The following LRRTM3 variants were observed in gnomAD, a reference collection of about 807,000 sequenced individuals.
LRRTM3 encodes leucine-rich repeat transmembrane neuronal protein 3.
LRRTM3 carries 24 observed loss-of-function variants against 44.7 expected under a neutral mutation model. The ratio of observed to expected loss-of-function variants is 0.54; its 90% CI spans 0.39 to 0.76. The LOEUF is 0.76. LRRTM3 is among the 30% of genes least tolerant of loss of function. The probability of loss-of-function intolerance (pLI) is 0.00; values close to 1 mark genes in which losing one functional copy is unlikely to be tolerated. For synonymous variants in LRRTM3, 277 were observed against 278.7 expected (o/e 0.99, Z 0.06); for missense variants, 587 against 702.2 (o/e 0.84, Z 1.85).
At position 66,943,643 on chromosome 10, in the gene LRRTM3, G is replaced by T. The variant is rs145519271; in HGVS notation, c.1536+15191G>T. 9.2e-3 allele frequency among the ~76,000 whole-genome samples: 1,400 copies of T among 151,936 alleles called. 19 individuals are homozygous for T. The highest frequency in any genetic ancestry group is 0.032 in the African/African-American group (1,324 of 41,430). ...TGTTATGTGGTAATAATGGCATCAA[G>T]AATTAAACATGCTACTTAAACATAG... On this transcript the variant is annotated intron_variant, in intron 2 of 2. Coordinates refer to ENST00000361320, the MANE Select transcript of LRRTM3 (RefSeq NM_178011.5).
chr10:67,044,224 A>G (rs1311854678), intron 2 of LRRTM3, among the ~76,000 whole-genome samples: 1 of 152,170 alleles, frequency 6.6e-6, no homozygotes, highest in Non-Finnish European at 1.5e-5. Context: ...GCAACATAGT[A>G]GGCAAAATTC....
intron 2 of LRRTM3, among the ~76,000 whole-genome samples, chr10:66,999,858 C>A (rs1186126421): frequency 1.3e-5 from 2 of 151,994 alleles, no homozygotes; most frequent in Non-Finnish European, 2.9e-5. Context: ...AAATGTTTTC[C>A]TAATAACAGC....
At chr10:66,959,610 T>C (rs537511582) in intron 2 of LRRTM3, among the ~76,000 whole-genome samples, 2 of 152,178 alleles carry the variant, frequency 1.3e-5, no homozygotes, top group Non-Finnish European at 2.9e-5. Flanking sequence ...AGATGATTTC[T>C]ACAACTACTT....
chr10:66,982,880 G>A (rs7092716), intron 2 of LRRTM3, among the ~76,000 whole-genome samples: 24,931 of 152,136 alleles, frequency 0.16, 2,188 homozygotes, highest in Middle Eastern at 0.22. Flanking sequence ...CTGGTAGGAA[G>A]AAGGGGAGAA....
intron 2 of LRRTM3, among the ~76,000 whole-genome samples, chr10:66,956,043 T>G (rs1308648156): frequency 6.6e-6 from 1 of 152,118 alleles, no homozygotes; most frequent in Non-Finnish European, 1.5e-5. Context: ...ACAAAAATAT[T>G]AAGACCCTAG....
chr10:66,987,925 T>C (rs1210218394), intron 2 of LRRTM3, among the ~76,000 whole-genome samples: 2 of 152,178 alleles, frequency 1.3e-5, no homozygotes, highest in Non-Finnish European at 2.9e-5. Context: ...TTTTCAATTT[T>C]TCAAATGATC....
chr10:66,946,416 A>C (rs1329314257), intron 2 of LRRTM3, among the ~76,000 whole-genome samples: 1 of 152,164 alleles, frequency 6.6e-6, no homozygotes, highest in African/African-American at 2.4e-5. Flanking sequence ...TAATATACAT[A>C]GAGAAAAGTG....
At chr10:67,096,312 G>A (rs1029074619) in intron 2 of LRRTM3, among the ~76,000 whole-genome samples, 1 of 151,792 alleles carries the variant, frequency 6.6e-6, no homozygotes, top group African/African-American at 2.4e-5. Context: ...GATGGAAACA[G>A]AAGTGGCAAA....
chr10:67,084,557 A>C (rs1857205805), intron 2 of LRRTM3, among the ~76,000 whole-genome samples: 1 of 151,884 alleles, frequency 6.6e-6, no homozygotes, highest in African/African-American at 2.4e-5. Context: ...TAGATTAGAA[A>C]ATTTCCTGAT....
intron 2 of LRRTM3, among the ~76,000 whole-genome samples, chr10:66,957,484 G>T (rs7082378): frequency 0.27 from 39,126 of 143,782 alleles, 5,773 homozygotes; most frequent in Middle Eastern, 0.33. Context: ...GATCCTGAAG[G>T]AAGATTACAA....
chr10:67,000,488 T>G (rs1851614232), intron 2 of LRRTM3, among the ~76,000 whole-genome samples: 1 of 152,192 alleles, frequency 6.6e-6, no homozygotes, highest in Admixed American at 6.5e-5. Context: ...ACACAAGGTC[T>G]TCCACTTAAT....
At chr10:67,074,606 T>C (rs1013238411) in intron 2 of LRRTM3, among the ~76,000 whole-genome samples, 79 of 150,266 alleles carry the variant, frequency 5.3e-4, no homozygotes, top group African/African-American at 1.9e-3. Flanking sequence ...CACCTCGGGT[T>C]CCCAAAGTGC....
At chr10:67,074,400 A>G (rs1215665610) in intron 2 of LRRTM3, among the ~76,000 whole-genome samples, 132 of 121,138 alleles carry the variant, frequency 1.1e-3, no homozygotes, top group South Asian at 4.7e-3. Flanking sequence ...GCCCAGGCTG[A>G]AGTGCAGTGG....
intron 2 of LRRTM3, among the ~76,000 whole-genome samples, chr10:67,026,617 A>G (rs539224050): frequency 2.6e-5 from 4 of 152,176 alleles, no homozygotes; most frequent in Non-Finnish European, 5.9e-5. Context: ...AGTCTTCTGA[A>G]CATTCATATT....
At chr10:66,981,627 T>C (rs1227776888) in intron 2 of LRRTM3, among the ~76,000 whole-genome samples, 4 of 152,256 alleles carry the variant, frequency 2.6e-5, no homozygotes, top group Non-Finnish European at 4.4e-5. Flanking sequence ...GGTTAATTTT[T>C]AGTACAATAT....
intron 2 of LRRTM3, among the ~76,000 whole-genome samples, chr10:67,079,645 C>T (rs1365160826): frequency 2.6e-5 from 4 of 151,988 alleles, no homozygotes; most frequent in Non-Finnish European, 5.9e-5. Flanking sequence ...GTCAGGAGTT[C>T]AAGACCAGCC....
At chr10:66,958,572 G>A (rs938873846) in intron 2 of LRRTM3, among the ~76,000 whole-genome samples, 14 of 152,034 alleles carry the variant, frequency 9.2e-5, no homozygotes, top group African/African-American at 3.4e-4. Context: ...AATTCAATAA[G>A]TAAGTAAGCG....
At chr10:67,008,235 A>G (rs10762126) in intron 2 of LRRTM3, among the ~76,000 whole-genome samples, 80,362 of 151,870 alleles carry the variant, frequency 0.53, 21,965 homozygotes, top group Middle Eastern at 0.74. Flanking sequence ...AGAAATGAAC[A>G]TATTAATGTT....
At chr10:67,077,320 T>C (rs1241763383) in intron 2 of LRRTM3, among the ~76,000 whole-genome samples, 1 of 152,220 alleles carries the variant, frequency 6.6e-6, no homozygotes, top group African/African-American at 2.4e-5. Context: ...TGGCTTCCAC[T>C]GGCTTTATGA....
Sources: allele counts gnomAD v4.1 joint callset (sites outside exome capture counted in the v4.1 genomes callset), GRCh38; gene constraint gnomAD v4.1.1; transcripts MANE v1.5; gene names NCBI Gene and HGNC (gene_info 2026-07-23, HGNC 2026-07-21).